The following PCDH15 variants were observed in gnomAD, a reference collection of about 807,000 sequenced individuals.
PCDH15 encodes the protein protocadherin related 15.
In PCDH15, 129 loss-of-function variants were observed where a neutral mutation model predicts 178.5. That is an observed-to-expected ratio of 0.72 (90% CI 0.63 to 0.84). PCDH15 has a LOEUF of 0.84. Ranked by LOEUF, PCDH15 falls within the 40% of genes least tolerant of loss-of-function variation. The pLI, the probability that PCDH15 is intolerant of heterozygous loss-of-function variation, is 0.00. For synonymous variants in PCDH15, 800 were observed against 732.0 expected (o/e 1.09, Z -1.50); for missense variants, 2,230 against 2,099.9 (o/e 1.06, Z -1.21).
At chr10:53,897,897 G>A (rs1271398875) in intron 26 of PCDH15, among the ~76,000 whole-genome samples, 1 of 148,884 alleles carries the variant, frequency 6.7e-6, no homozygotes, top group Non-Finnish European at 1.5e-5. Context: ...TCCATTGTAT[G>A]TGTATATCAC....
chr10:55,438,185 CA>C (rs949257673), intron 2 of PCDH15, among the ~76,000 whole-genome samples: 14 of 130,992 alleles, frequency 1.1e-4, no homozygotes, highest in African/African-American at 3.2e-5. Context: ...CAAAACAAAA[CA>C]AAAAAGAACA....
At chr10:55,013,062 TG>T (rs1445897931) in intron 2 of PCDH15, among the ~76,000 whole-genome samples, 3 of 152,174 alleles carry the variant, frequency 2.0e-5, no homozygotes, top group Non-Finnish European at 4.4e-5. Context: ...ATGCGTTTAT[TG>T]CCCCCAAGCT....
At chr10:55,478,340 C>A (rs574942222) in intron 2 of PCDH15, among the ~76,000 whole-genome samples, 1 of 151,788 alleles carries the variant, frequency 6.6e-6, no homozygotes, top group African/African-American at 2.4e-5. Context: ...ATTTAAAAAA[C>A]ATTCCATCCA....
intron 1 of PCDH15, among the ~76,000 whole-genome samples, chr10:55,310,816 T>G (rs964486028): frequency 4.0e-5 from 6 of 151,552 alleles, no homozygotes; most frequent in African/African-American, 1.5e-4. Flanking sequence ...TAAGTGGGAG[T>G]TGAACAATGA....
intron 18 of PCDH15, among the ~76,000 whole-genome samples, chr10:54,026,267 C>T (rs1436826241): frequency 6.6e-6 from 1 of 151,924 alleles, no homozygotes; most frequent in Non-Finnish European, 1.5e-5. Flanking sequence ...ACGGGGTTTC[C>T]TCTTGTTGCC....
intron 3 of PCDH15, among the ~76,000 whole-genome samples, chr10:54,470,993 T>C (rs945307660): frequency 2.0e-5 from 3 of 152,098 alleles, no homozygotes; most frequent in Admixed American, 6.6e-5. Context: ...CCCCACACAA[T>C]TGAAAAACCA....
chr10:53,964,105 T>C (rs1911430), intron 21 of PCDH15, among the ~76,000 whole-genome samples: 109,688 of 152,016 alleles, frequency 0.72, 39,864 homozygotes, highest in East Asian at 0.87. Context: ...GGTGGCAATA[T>C]AATACACTCA....
At chr10:55,446,731 G>A (rs922521511) in intron 2 of PCDH15, among the ~76,000 whole-genome samples, 5 of 152,168 alleles carry the variant, frequency 3.3e-5, no homozygotes, top group Admixed American at 3.3e-4. Flanking sequence ...GTTTCCAGTT[G>A]CCCTATTGTA....
At chr10:54,058,154 C>T (rs1238961536) in intron 18 of PCDH15, among the ~76,000 whole-genome samples, 2 of 152,184 alleles carry the variant, frequency 1.3e-5, no homozygotes, top group African/African-American at 4.8e-5. Context: ...CTGAGCCCTC[C>T]AAACTGTTCC....
chr10:55,568,332 G>T (rs1013386731), intron 2 of PCDH15, among the ~76,000 whole-genome samples: 3 of 151,970 alleles, frequency 2.0e-5, no homozygotes, highest in African/African-American at 7.2e-5. Flanking sequence ...TCTATTATTC[G>T]ACTTATATGA....
At chr10:54,922,811 A>G (rs1837528147) in intron 2 of PCDH15, among the ~76,000 whole-genome samples, 1 of 152,048 alleles carries the variant, frequency 6.6e-6, no homozygotes, top group African/African-American at 2.4e-5. Context: ...CTTTCATGGG[A>G]TTAAGTGTCT....
chr10:54,999,757 G>T (rs982147013), intron 2 of PCDH15, among the ~76,000 whole-genome samples: 3 of 152,188 alleles, frequency 2.0e-5, no homozygotes, highest in Non-Finnish European at 2.9e-5. Flanking sequence ...TTTCACGTAG[G>T]TTCTTTTCTA....
chr10:55,404,667 C>G (rs1838155769), intron 2 of PCDH15, among the ~76,000 whole-genome samples: 1 of 151,702 alleles, frequency 6.6e-6, no homozygotes, highest in Non-Finnish European at 1.5e-5. Context: ...TGGCGAATGT[C>G]ATAATTATGT....
At chr10:54,703,795 C>T (rs950360605) in intron 1 of PCDH15, among the ~76,000 whole-genome samples, 1 of 151,746 alleles carries the variant, frequency 6.6e-6, no homozygotes, top group Non-Finnish European at 1.5e-5. Context: ...AAGTGCAATA[C>T]TTCCCAAAGC....
At chr10:54,961,969 A>C (rs1471319155) in intron 2 of PCDH15, among the ~76,000 whole-genome samples, 1 of 152,204 alleles carries the variant, frequency 6.6e-6, no homozygotes, top group Non-Finnish European at 1.5e-5. Flanking sequence ...ATATGCCTAC[A>C]GATAGGAGCA....
At chr10:55,583,291 G>C (rs931925803) in intron 2 of PCDH15, among the ~76,000 whole-genome samples, 2 of 152,156 alleles carry the variant, frequency 1.3e-5, no homozygotes, top group African/African-American at 2.4e-5. Context: ...TTCACAGGAA[G>C]AATTATGCAA....
chr10:54,216,174 G>A (rs1017953827), intron 9 of PCDH15, among the ~76,000 whole-genome samples: 1 of 151,992 alleles, frequency 6.6e-6, no homozygotes, highest in Non-Finnish European at 1.5e-5. Context: ...GTGTGGGGCT[G>A]GCTCGGCGCA....
chr10:55,248,692 G>A lies in PCDH15; in HGVS notation c.-156+70907C>T, dbSNP rs370876122. 4.6e-5 allele frequency among the ~76,000 whole-genome samples: 7 copies of A among 152,192 alleles called. No individual in the cohort carries two copies. The East Asian group carries it at 7.7e-4, about 17-fold the overall frequency. The stretch of plus-strand genomic sequence containing the variant: ...GTGACTCAGCCTCCCAAGTAGCTGG[G>A]ATTACAGGCCTGTGCCAAAATGCCC... On this transcript the variant is annotated intron_variant, in intron 1 of 5. Coordinates refer to the PCDH15 transcript ENST00000458638.
intron 2 of PCDH15, among the ~76,000 whole-genome samples, chr10:54,962,820 G>A (rs1031725157): frequency 6.6e-6 from 1 of 152,154 alleles, no homozygotes; most frequent in Admixed American, 6.5e-5. Flanking sequence ...GCCAAGAACA[G>A]CCTGCTGGGC....
Sources: allele counts gnomAD v4.1 joint callset (sites outside exome capture counted in the v4.1 genomes callset), GRCh38; gene constraint gnomAD v4.1.1; transcripts MANE v1.5; gene names NCBI Gene and HGNC (gene_info 2026-07-23, HGNC 2026-07-21).